Variants in PRELID2 observed in about 807,000 individuals in gnomAD.
PRELID2 encodes PRELI domain containing 2.
In PRELID2, 25 loss-of-function variants were observed where a neutral mutation model predicts 28.4. The observed-to-expected ratio is 0.88, with a 90% CI of 0.64 to 1.23. PRELID2 has a LOEUF of 1.23. PRELID2 is among the 50% of genes most tolerant of loss of function. The pLI is 0.00. For missense variants in PRELID2, 201 were observed against 214.4 expected (o/e 0.94, Z 0.39); for synonymous variants, 76 against 71.6 (o/e 1.06, Z -0.31).
chr5:145,482,642 A>G (rs1463729502), intron 1 of PRELID2, among the ~76,000 whole-genome samples: 1 of 152,070 alleles, frequency 6.6e-6, no homozygotes, highest in East Asian at 1.9e-4. Flanking sequence ...GTATGATTCA[A>G]GTGCATTACA....
intron 5 of PRELID2, among the ~76,000 whole-genome samples, chr5:145,781,253 G>C (rs1561600141): frequency 6.6e-6 from 1 of 152,172 alleles, no homozygotes; most frequent in Admixed American, 6.5e-5. Flanking sequence ...AAGGAGCACT[G>C]AAGTAGCATG....
intron 5 of PRELID2, among the ~76,000 whole-genome samples, chr5:145,793,577 G>T (rs1019818889): frequency 2.6e-5 from 4 of 152,106 alleles, no homozygotes; most frequent in Non-Finnish European, 5.9e-5. Context: ...TCTTCGAAAA[G>T]AAAAAGTAAG....
intron 1 of PRELID2, among the ~76,000 whole-genome samples, chr5:145,823,785 T>G (rs1754989919): frequency 6.6e-6 from 1 of 152,206 alleles, no homozygotes; most frequent in Admixed American, 6.5e-5. Flanking sequence ...TTAATTCCCC[T>G]GAAAAGCAAT....
chr5:145,475,140 T>C (rs1185120192), intron 1 of PRELID2, among the ~76,000 whole-genome samples: 2 of 152,056 alleles, frequency 1.3e-5, no homozygotes. Flanking sequence ...CTTAGTAGAG[T>C]GGCTGGCATA....
At chr5:145,828,288 A>C (rs995642950) in intron 1 of PRELID2, among the ~76,000 whole-genome samples, 1 of 152,250 alleles carries the variant, frequency 6.6e-6, no homozygotes, top group African/African-American at 2.4e-5. Context: ...CAAGTAGAAA[A>C]TAAATGTAGC....
chr5:145,367,373 C>T, the PRELID2 span, among the ~76,000 whole-genome samples: 1 of 151,918 alleles, frequency 6.6e-6, no homozygotes, highest in Non-Finnish European at 1.5e-5. Flanking sequence ...TCACTGTCTG[C>T]ACAGATGTAC....
chr5:145,809,594 G>T (rs1055499339), intron 4 of PRELID2, among the ~76,000 whole-genome samples: 2 of 152,230 alleles, frequency 1.3e-5, no homozygotes, highest in African/African-American at 4.8e-5. Flanking sequence ...GCCTGGCTGA[G>T]CATTTTTAAT....
the PRELID2 span, among the ~76,000 whole-genome samples, chr5:145,235,049 A>C: frequency 6.6e-6 from 1 of 152,128 alleles, no homozygotes; most frequent in Admixed American, 6.6e-5. Context: ...ATGTAACAGG[A>C]CCATAATATT....
At chr5:145,667,242 A>T (rs1754613194) in intron 1 of PRELID2, among the ~76,000 whole-genome samples, 2 of 152,014 alleles carry the variant, frequency 1.3e-5, no homozygotes, top group South Asian at 4.1e-4. Context: ...GGAACTCCCC[A>T]AAGTCTCCCA....
chr5:145,498,833 C>A (rs963244625), intron 1 of PRELID2, among the ~76,000 whole-genome samples: 5 of 151,936 alleles, frequency 3.3e-5, no homozygotes, highest in Admixed American at 1.3e-4. Flanking sequence ...CTGCCTCGGC[C>A]TCCCAAAGTG....
chr5:145,250,921 G>A, the PRELID2 span, among the ~76,000 whole-genome samples: 2 of 152,020 alleles, frequency 1.3e-5, no homozygotes, highest in Non-Finnish European at 2.9e-5. Flanking sequence ...TATTTAGTGG[G>A]TACTTACTTT....
At chr5:145,514,873 C>T (rs1752502806) in intron 1 of PRELID2, among the ~76,000 whole-genome samples, 1 of 152,222 alleles carries the variant, frequency 6.6e-6, no homozygotes, top group South Asian at 2.1e-4. Context: ...CGCACAACTA[C>T]ATGGAAACTG....
intron 1 of PRELID2, among the ~76,000 whole-genome samples, chr5:145,542,880 T>C (rs1479951453): frequency 2.0e-5 from 3 of 152,008 alleles, no homozygotes; most frequent in Admixed American, 1.3e-4. Context: ...TATCTCTGTA[T>C]TGGTGGTATG....
intron 1 of PRELID2, among the ~76,000 whole-genome samples, chr5:145,665,428 A>G (rs112191717): frequency 3.2e-4 from 49 of 152,256 alleles, no homozygotes; most frequent in African/African-American, 1.1e-3. Flanking sequence ...CCATATATTT[A>G]CTGACTTTAC....
At chr5:145,397,292 T>C in the PRELID2 span, among the ~76,000 whole-genome samples, 1 of 152,086 alleles carries the variant, frequency 6.6e-6, no homozygotes, top group Non-Finnish European at 1.5e-5. Flanking sequence ...AAAAGTACTC[T>C]GAAAATAAAA....
At chr5:145,816,871 C>G (rs1754339257) in intron 4 of PRELID2, among the ~76,000 whole-genome samples, 1 of 152,078 alleles carries the variant, frequency 6.6e-6, no homozygotes, top group Non-Finnish European at 1.5e-5. Context: ...TTAAAAAATT[C>G]TACTCTAGGC....
chr5:145,383,896 A>G, the PRELID2 span, among the ~76,000 whole-genome samples: 77 of 151,998 alleles, frequency 5.1e-4, no homozygotes, highest in African/African-American at 1.6e-3. Flanking sequence ...GTATATATAT[A>G]TGTGTGTGTG....
intron 1 of PRELID2, among the ~76,000 whole-genome samples, chr5:145,529,180 C>A (rs1752635047): frequency 6.6e-6 from 1 of 152,160 alleles, no homozygotes; most frequent in South Asian, 2.1e-4. Context: ...CAATTACTGT[C>A]AAAATGCACA....
chr5:145,369,766 C>A, the PRELID2 span, among the ~76,000 whole-genome samples: 3 of 152,072 alleles, frequency 2.0e-5, no homozygotes, highest in Non-Finnish European at 4.4e-5. Context: ...TATCTCTCCA[C>A]AGCCTCACCA....
Sources: allele counts gnomAD v4.1 joint callset (sites outside exome capture counted in the v4.1 genomes callset), GRCh38; gene constraint gnomAD v4.1.1; transcripts MANE v1.5; gene names NCBI Gene and HGNC (gene_info 2026-07-23, HGNC 2026-07-21).